Variants in RLN1 observed in about 807,000 individuals in gnomAD.
The protein encoded by RLN1 is relaxin 1.
In RLN1, 4 loss-of-function variants were observed where a neutral mutation model predicts 7.2. That is an observed-to-expected ratio of 0.56 (90% confidence interval 0.28 to 1.28). The LOEUF is 1.28. Among genes scored for constraint, RLN1 ranks in the 50% most tolerant of loss-of-function variants. The pLI, the probability that RLN1 is intolerant of heterozygous loss-of-function variation, is 0.11. For missense variants in RLN1, 293 were observed against 221.1 expected (o/e 1.32, Z -2.06); for synonymous variants, 105 against 86.0 (o/e 1.22, Z -1.22).
At chr9:5,335,749 A>T in intron 1 of RLN1, 152 bp from the exon 2 acceptor site, 1 of 616,042 alleles carries the variant, frequency 1.6e-6, no homozygotes, top group South Asian at 2.1e-5. Flanking sequence ...ATATCTAAAC[A>T]CTTAGCTTTC....
At chr9:5,340,619 A>T (rs188445414), upstream of RLN1, among the ~76,000 whole-genome samples, 2 of 152,320 alleles carry the variant, frequency 1.3e-5, no homozygotes. Flanking sequence ...TATTTTGATA[A>T]CAAATTACAG....
At position 5,339,538 on chromosome 9, in the gene RLN1, G is replaced by C. The variant is rs1463322687; in HGVS notation, c.209C>G (p.Ala70Gly). ...CGGGAGGGGGCGGGAGCTCTCACCT[G>C]CCACTGGTCTAGGTGTCTGAGGAGC... ...EDAPQTPRPV[A>G]EIVPSFINKD... Residue 70 changes from alanine (A) to glycine (G), a missense_variant and splice_region_variant, in exon 1 of 2, where the codon GCA (alanine) becomes GGA (glycine). Coordinates refer to ENST00000223862, the MANE Select transcript of RLN1 (RefSeq NM_006911.4). The C allele has an allele frequency of 6.3e-7, 1 of 1,575,748 alleles. No homozygotes were observed.
In RLN1 at chr9:5,339,712, A is replaced by C; in HGVS notation, c.35T>G (p.Phe12Cys). ...PRLFLFHLLE[F>C]CLLLNQFSRA... is the part of the protein sequence containing the mutation. ...GGAAAATTGGTTCAGTAGTAAACAG[A>C]ATTCTAGCAGGTGGAACAAGAACAG... is the stretch of plus-strand genomic sequence containing the variant. The change falls in exon 1 of 2, where the codon TTC becomes TGC. Residue 12 changes from phenylalanine (F) to cysteine (C), a missense_variant. Phe to Cys is a radical substitution (Grantham distance 205, BLOSUM62 -2). Coordinates refer to ENST00000223862, the MANE Select transcript of RLN1 (RefSeq NM_006911.4). 3.1e-6 allele frequency: 5 copies of C among 1,613,350 alleles called. No homozygotes were observed. Among genetic ancestry groups the C allele is most frequent in the Non-Finnish European group, 4.2e-6 (5 of 1,180,038 alleles).
At chr9:5,335,678 C>T in intron 1 of RLN1, 81 bp from the exon 2 acceptor site, 1 of 836,840 alleles carries the variant, frequency 1.2e-6, no homozygotes. Flanking sequence ...TGTTTGCATA[C>T]ACAAAGAAAA....
chr9:5,336,874 AC>A (rs1304588363), intron 1 of RLN1, among the ~76,000 whole-genome samples: 2 of 151,954 alleles, frequency 1.3e-5, no homozygotes, highest in Non-Finnish European at 2.9e-5. Context: ...ACGACCCTTC[AC>A]CTAGACAGCG....
rs773638821 is a variant in RLN1 at position 5,335,346 on chromosome 9, T to C, written c.463A>G (p.Thr155Ala). ...GGTCGTCTCTTTTTTTGAGAATGAG[T>C]ATCCAAGCCTAAGTATTTTAATTCT... ...PSELKYLGLD[T>A]HSQKKRRPYV... Residue 155 changes from threonine (T) to alanine (A), a missense_variant, in exon 2 of 2, where the codon ACT becomes GCT. By Grantham distance (58) the Thr-to-Ala change is moderately conservative (BLOSUM62 0). Transcript: ENST00000223862. 47 of 1,613,140 alleles carry C rather than the reference T, an allele frequency of 2.9e-5. No individual in the cohort carries two copies. Among genetic ancestry groups the C allele is most frequent in the Admixed American group, 8.3e-5 (5 of 59,902 alleles).
chr9:5,335,754 G>A (rs1816876976), intron 1 of RLN1, among the ~76,000 whole-genome samples, 157 bp from the exon 2 acceptor site: 1 of 151,962 alleles, frequency 6.6e-6, no homozygotes, highest in Non-Finnish European at 1.5e-5. Context: ...TAAACACTTA[G>A]CTTTCTTACA....
At chr9:5,339,452 G>T in intron 1 of RLN1, 84 bp downstream of exon 1, 3 of 886,686 alleles carry the variant, frequency 3.4e-6, no homozygotes, top group Non-Finnish European at 5.2e-6. Flanking sequence ...AGTCGGACGT[G>T]CAGGCCGCCG....
intron 1 of RLN1, among the ~76,000 whole-genome samples, chr9:5,336,236 G>C (rs189397265): frequency 2.6e-5 from 4 of 152,146 alleles, no homozygotes; most frequent in East Asian, 1.9e-4. Context: ...ATATGAAAGA[G>C]AGAAGTGGGT....
chr9:5,338,088 ATT>A (rs1343056651), intron 1 of RLN1, among the ~76,000 whole-genome samples: 2 of 143,396 alleles, frequency 1.4e-5, no homozygotes, highest in African/African-American at 2.6e-5. Flanking sequence ...ATATAATTTC[ATT>A]TTCTCATAAA....
rs960218775 is a variant in RLN1 at position 5,336,064 on chromosome 9, T to C, written c.212-467A>G. ...AAAGATATTATTTTAAGCTACTCAA[T>C]GTTTCGTGGTGGGAATTTACTCCTG... On this transcript the variant is annotated intron_variant, in intron 1 of 1. Transcript: ENST00000223862. 3.9e-5 allele frequency among the ~76,000 whole-genome samples: 6 copies of C among 152,152 alleles called. No homozygotes were observed. The South Asian group carries it at 1.0e-3, about 26-fold the overall frequency.
chr9:5,335,705 T>C (rs1413317933), intron 1 of RLN1, 108 bp from the exon 2 acceptor site: 2 of 684,106 alleles, frequency 2.9e-6, no homozygotes, highest in Non-Finnish European at 4.9e-6. Context: ...ATTGCCTCAA[T>C]ATAAATTAAA....
Position 5,339,787 on chromosome 9 carries a change from T to A in RLN1, c.-41A>T, listed in dbSNP as rs1195638336. On this transcript the variant is annotated 5_prime_UTR_variant, in exon 1 of 2. The change creates a new upstream start codon in the 5' untranslated region. Coordinates refer to ENST00000223862, the MANE Select transcript of RLN1 (RefSeq NM_006911.4). ...TCCTGGAGGTCTGGGTGTTGCAGCC[T>A]TTCAGGACTGCGGCTGCTGTGGCCT... is the stretch of plus-strand genomic sequence containing the variant. 3 of 1,598,572 alleles carry A rather than the reference T, an allele frequency of 1.9e-6. No homozygotes were observed. Among genetic ancestry groups the A allele is most frequent in the Non-Finnish European group, 2.6e-6 (3 of 1,167,096 alleles).
chr9:5,340,083 T>C (rs992014631), upstream of RLN1, among the ~76,000 whole-genome samples: 1 of 152,230 alleles, frequency 6.6e-6, no homozygotes, highest in Non-Finnish European at 1.5e-5. Flanking sequence ...TTAGGTAAAG[T>C]TATTTTAGAT....
upstream of RLN1, among the ~76,000 whole-genome samples, chr9:5,340,547 AAAG>A (rs1487127490): frequency 1.3e-5 from 2 of 152,198 alleles, no homozygotes; most frequent in African/African-American, 4.8e-5. Context: ...GAGAGAGAGA[AAAG>A]AAGAAGAGAA....
chr9:5,336,871 T>A (rs1816905276), intron 1 of RLN1, among the ~76,000 whole-genome samples: 1 of 151,970 alleles, frequency 6.6e-6, no homozygotes, highest in Non-Finnish European at 1.5e-5. Flanking sequence ...ACCACGACCC[T>A]TCACCTAGAC....
At chr9:5,340,763 C>T (rs550699538), upstream of RLN1, among the ~76,000 whole-genome samples, 8 of 152,250 alleles carry the variant, frequency 5.3e-5, no homozygotes, top group East Asian at 3.9e-4. Context: ...GGTTAGTAGA[C>T]GACCCTTCTA....
At chr9:5,336,228 A>G (rs1052621594) in intron 1 of RLN1, among the ~76,000 whole-genome samples, 1 of 152,104 alleles carries the variant, frequency 6.6e-6, no homozygotes, top group African/African-American at 2.4e-5. Flanking sequence ...AGTATTTTAT[A>G]TGAAAGAGAG....
upstream of RLN1, among the ~76,000 whole-genome samples, chr9:5,340,767 C>A (rs1348499275): frequency 6.6e-6 from 1 of 152,096 alleles, no homozygotes; most frequent in Non-Finnish European, 1.5e-5. Context: ...AGTAGACGAC[C>A]CTTCTACCTG....
Sources: allele counts gnomAD v4.1 joint callset (sites outside exome capture counted in the v4.1 genomes callset), GRCh38; gene constraint gnomAD v4.1.1; transcripts MANE v1.5; gene names NCBI Gene and HGNC (gene_info 2026-07-23, HGNC 2026-07-21).